Variants in SNTG1 observed in about 807,000 individuals in gnomAD.
The protein encoded by SNTG1 is gamma-1-syntrophin.
In SNTG1, 39 loss-of-function variants were observed where a neutral mutation model predicts 74.7. The observed-to-expected ratio is 0.52, with a 90% confidence interval of 0.40 to 0.68. The LOEUF is 0.68. Ranked by LOEUF, SNTG1 falls within the 30% of genes least tolerant of loss-of-function variation. The pLI, the probability that SNTG1 is intolerant of heterozygous loss-of-function variation, is 0.00. For missense variants in SNTG1, 685 were observed against 609.5 expected (o/e 1.12, Z -1.30); for synonymous variants, 254 against 217.1 (o/e 1.17, Z -1.49).
At chr8:50,463,105 A>T (rs10808836) in intron 8 of SNTG1, among the ~76,000 whole-genome samples, 2 of 151,854 alleles carry the variant, frequency 1.3e-5, no homozygotes, top group Non-Finnish European at 2.9e-5. Context: ...GTAAGCCACC[A>T]CGTCCAGCCC....
intron 13 of SNTG1, among the ~76,000 whole-genome samples, chr8:50,602,238 T>A (rs1021705002): frequency 1.1e-4 from 17 of 152,132 alleles, no homozygotes; most frequent in African/African-American, 3.6e-4. Context: ...TGATTTTATC[T>A]GGTGGTATGA....
chr8:50,077,344 C>A (rs203928), intron 1 of SNTG1, among the ~76,000 whole-genome samples: 94,234 of 151,908 alleles, frequency 0.62, 29,588 homozygotes, highest in East Asian at 0.84. Context: ...TTTACCCCTT[C>A]ATAATTTTCT....
chr8:50,274,722 T>C (rs1464554471), intron 2 of SNTG1, among the ~76,000 whole-genome samples: 1 of 152,072 alleles, frequency 6.6e-6, no homozygotes, highest in African/African-American at 2.4e-5. Flanking sequence ...ATTGAAGAAA[T>C]CTCTCTATAT....
intron 1 of SNTG1, among the ~76,000 whole-genome samples, chr8:50,134,145 G>C (rs1017817301): frequency 6.6e-6 from 1 of 152,130 alleles, no homozygotes; most frequent in Non-Finnish European, 1.5e-5. Flanking sequence ...TATCAGTGTT[G>C]GTGGTGGTGG....
intron 1 of SNTG1, among the ~76,000 whole-genome samples, chr8:49,934,340 C>T (rs1028706830): frequency 6.6e-6 from 1 of 151,120 alleles, no homozygotes; most frequent in African/African-American, 2.4e-5. Context: ...TCTATCTACT[C>T]AACCCACCTA....
At chr8:50,165,004 G>T (rs533369671) in intron 1 of SNTG1, among the ~76,000 whole-genome samples, 1 of 152,018 alleles carries the variant, frequency 6.6e-6, no homozygotes, top group Non-Finnish European at 1.5e-5. Flanking sequence ...CTAACTCATA[G>T]AAACTATGCT....
At chr8:50,562,368 G>A (rs1432726915) in intron 12 of SNTG1, among the ~76,000 whole-genome samples, 1 of 152,214 alleles carries the variant, frequency 6.6e-6, no homozygotes, top group Non-Finnish European at 1.5e-5. Context: ...AGTGTAAGAA[G>A]TCAAAGTGAG....
At chr8:50,115,423 G>A (rs1032456394) in intron 1 of SNTG1, among the ~76,000 whole-genome samples, 6 of 151,654 alleles carry the variant, frequency 4.0e-5, no homozygotes, top group African/African-American at 9.7e-5. Flanking sequence ...AAAATTAGCC[G>A]AGCATCATGT....
At chr8:50,651,850 G>A (rs1175841413) in intron 13 of SNTG1, among the ~76,000 whole-genome samples, 2 of 151,736 alleles carry the variant, frequency 1.3e-5, no homozygotes, top group African/African-American at 4.8e-5. Context: ...CATGATCTCA[G>A]CTCACTGCAA....
intron 4 of SNTG1, among the ~76,000 whole-genome samples, chr8:50,431,493 C>G (rs2093235732): frequency 1.3e-5 from 2 of 152,120 alleles, no homozygotes; most frequent in Admixed American, 1.3e-4. Flanking sequence ...ATAATGGATA[C>G]AGGTAGTATA....
chr8:50,380,878 A>T (rs1277943354), intron 2 of SNTG1: 1 of 152,230 alleles, frequency 6.6e-6, no homozygotes, highest in African/African-American at 2.4e-5. Flanking sequence ...CTCTAGACAG[A>T]GGCCACATCT....
intron 8 of SNTG1, among the ~76,000 whole-genome samples, chr8:50,486,537 C>A (rs200091887): frequency 6.3e-5 from 8 of 126,428 alleles, no homozygotes; most frequent in South Asian, 2.9e-4. Flanking sequence ...TTATCAGCTT[C>A]AGGAGATTTT....
chr8:50,213,310 T>C (rs1320656805), intron 2 of SNTG1, among the ~76,000 whole-genome samples: 2 of 152,158 alleles, frequency 1.3e-5, no homozygotes, highest in Non-Finnish European at 2.9e-5. Flanking sequence ...ATTATATTCT[T>C]GTGAATAATT....
At chr8:50,330,333 C>T (rs1225115040) in intron 2 of SNTG1, among the ~76,000 whole-genome samples, 1 of 152,168 alleles carries the variant, frequency 6.6e-6, no homozygotes, top group Non-Finnish European at 1.5e-5. Flanking sequence ...CCTTGCTGAA[C>T]TGTGAGTCAA....
chr8:49,985,697 A>G (rs975384741), intron 1 of SNTG1, among the ~76,000 whole-genome samples: 1 of 152,196 alleles, frequency 6.6e-6, no homozygotes, highest in African/African-American at 2.4e-5. Flanking sequence ...CAAATTCACT[A>G]CTGCAAATAA....
intron 2 of SNTG1, among the ~76,000 whole-genome samples, chr8:50,305,936 G>T (rs1405124169): frequency 1.3e-5 from 2 of 151,184 alleles, no homozygotes; most frequent in African/African-American, 2.4e-5. Context: ...TAGCTTTGGG[G>T]GTACAAAGGG....
chr8:50,026,149 C>G (rs977508180), intron 1 of SNTG1, among the ~76,000 whole-genome samples: 2 of 152,126 alleles, frequency 1.3e-5, no homozygotes, highest in African/African-American at 4.8e-5. Context: ...AACACGCATT[C>G]TGTTTATGTA....
intron 1 of SNTG1, among the ~76,000 whole-genome samples, chr8:49,973,366 G>A (rs1395180810): frequency 6.6e-6 from 1 of 151,970 alleles, no homozygotes; most frequent in Non-Finnish European, 1.5e-5. Context: ...CCTGTTGTGG[G>A]GTGGGGGGAA....
At chr8:50,290,071 G>T (rs1049995793) in intron 2 of SNTG1, among the ~76,000 whole-genome samples, 1 of 152,136 alleles carries the variant, frequency 6.6e-6, no homozygotes, top group Non-Finnish European at 1.5e-5. Flanking sequence ...GTGCCAGCAG[G>T]ATTCCTGGAT....
Sources: gnomAD v4.1 joint callset for allele counts (sites outside exome capture counted in the v4.1 genomes callset) on GRCh38, gnomAD v4.1.1 for gene constraint, MANE v1.5 for transcripts, NCBI Gene and HGNC (gene_info 2026-07-23, HGNC 2026-07-21) for gene names.